Variants in KIF20B observed in about 807,000 individuals in gnomAD.
KIF20B encodes kinesin-like protein KIF20B.
In KIF20B, 188 loss-of-function variants were observed where a neutral mutation model predicts 232.5. The ratio of observed to expected loss-of-function variants is 0.81; its 90% CI spans 0.72 to 0.91. KIF20B has a LOEUF of 0.91. Ranked by LOEUF, KIF20B falls within the 40% of genes least tolerant of loss-of-function variation. The pLI is 0.00. For missense variants in KIF20B, 2,154 were observed against 2,055.9 expected (o/e 1.05, Z -0.92); for synonymous variants, 712 against 683.0 (o/e 1.04, Z -0.66).
At chr10:89,719,011 A>G (rs1842993224) in intron 12 of KIF20B, 139 bp downstream of exon 12, 1 of 568,574 alleles carries the variant, frequency 1.8e-6, no homozygotes, top group South Asian at 3.7e-5. Context: ...GTAGGAAGAC[A>G]TGAGAAAGGA....
chr10:89,739,164 G>A (rs1841739290), intron 21 of KIF20B, 68 bp downstream of exon 21: 1 of 1,483,386 alleles, frequency 6.7e-7, no homozygotes, highest in South Asian at 1.2e-5. Flanking sequence ...ATCAAACTTA[G>A]ACATTAATCT....
chr10:89,764,291 T>C (rs2133171032), intron 29 of KIF20B, among the ~76,000 whole-genome samples: 1 of 152,272 alleles, frequency 6.6e-6, no homozygotes, highest in East Asian at 1.9e-4. Flanking sequence ...TAATCCAGTC[T>C]ATCATTGTTG....
rs1841669375 is a variant in KIF20B, at chr10:89,737,047, T to G, written c.2546-340T>G. On this transcript the variant is annotated intron_variant, in intron 19 of 32. Coordinates refer to ENST00000371728, the MANE Select transcript of KIF20B (RefSeq NM_001284259.2). The stretch of plus-strand genomic sequence containing the variant: ...GTCATCTCCTCCTCTCTGTCCCATA[T>G]TGAAATGACAATAAAGATTTGTGGT... 1.3e-5 allele frequency among the ~76,000 whole-genome samples: 2 copies of G among 152,074 alleles called. 1 individual carries two copies. Among genetic ancestry groups the G allele is most frequent in the South Asian group, 4.1e-4 (2 of 4,834 alleles).
intron 27 of KIF20B, among the ~76,000 whole-genome samples, 171 bp downstream of exon 27, chr10:89,759,053 A>G (rs2133162958): frequency 6.6e-6 from 1 of 152,130 alleles, no homozygotes; most frequent in East Asian, 1.9e-4. Flanking sequence ...ATTAAGATTG[A>G]TTTGTCAATC....
At chr10:89,704,286 C>G (rs1842676897) in intron 1 of KIF20B, among the ~76,000 whole-genome samples, 1 of 152,126 alleles carries the variant, frequency 6.6e-6, no homozygotes, top group Non-Finnish European at 1.5e-5. Flanking sequence ...AAAAACAGCA[C>G]AGAGTCCTCC....
chr10:89,717,474 C>A lies in KIF20B; in HGVS notation c.1103C>A (p.Ser368Tyr). The change falls in exon 10 of 33, where the codon TCT (serine) becomes TAT (tyrosine). Residue 368 changes from serine (S) to tyrosine (Y), a missense_variant. Ser to Tyr is a moderately radical substitution (Grantham distance 144). Coordinates refer to ENST00000371728, the MANE Select transcript of KIF20B (RefSeq NM_001284259.2). ...KILQIEDSEMSRVIRVSELSL... is the reference protein window; with the variant it reads ...KILQIEDSEMYRVIRVSELSL... ...TTACAGATTGAAGATTCTGAAATGT[C>A]TCGTGTAATTCGAGTCAGTGAGTAA... 6.3e-7 allele frequency: 1 copy of A among 1,597,798 alleles called. No homozygotes were observed. Among genetic ancestry groups the A allele is most frequent in the South Asian group, 1.1e-5 (1 of 89,918 alleles).
chr10:89,744,777 T>A lies in KIF20B; in HGVS notation c.4035+850T>A, dbSNP rs538062054. 1.5e-3 allele frequency among the ~76,000 whole-genome samples: 215 copies of A among 146,980 alleles called. 1 individual carries two copies. Among genetic ancestry groups the A allele is most frequent in the African/African-American group, 5.3e-3 (203 of 38,262 alleles). ...AAGCAAACTAATGAATAGTCAGGTATAAATACATGATTTTAATTCTTAAGG... is the reference window on the plus strand; with the variant it reads ...AAGCAAACTAATGAATAGTCAGGTAAAAATACATGATTTTAATTCTTAAGG... On this transcript the variant is annotated intron_variant, in intron 22 of 32. Coordinates refer to ENST00000371728, the MANE Select transcript of KIF20B (RefSeq NM_001284259.2).
intron 22 of KIF20B, among the ~76,000 whole-genome samples, chr10:89,745,282 T>C (rs1256312212): frequency 6.6e-6 from 1 of 152,232 alleles, no homozygotes; most frequent in Non-Finnish European, 1.5e-5. Context: ...CCCAGCACTT[T>C]GGGAAGCCGA....
chr10:89,771,649 G>C (rs991878277), intron 31 of KIF20B, among the ~76,000 whole-genome samples: 1 of 151,952 alleles, frequency 6.6e-6, no homozygotes, highest in African/African-American at 2.4e-5. Context: ...TCTTATGGAG[G>C]GGAACAGGAG....
intron 1 of KIF20B, among the ~76,000 whole-genome samples, chr10:89,702,243 CA>C (rs1205295200): frequency 6.6e-6 from 1 of 152,130 alleles, no homozygotes; most frequent in Non-Finnish European, 1.5e-5. Context: ...CACTTATTTC[CA>C]GACTACTCCT....
rs189078962 is a variant in KIF20B, at chr10:89,731,819, G to A, written c.2392-1084G>A. 1.7e-4 allele frequency among the ~76,000 whole-genome samples: 26 copies of A among 152,266 alleles called. 1 individual carries two copies. The East Asian group carries it at 4.1e-3, about 24-fold the overall frequency. ...AAGGGACTAATTGTGAGAAAGCGTG[G>A]AGATTGTTCTTTATGACATCCTTTG... On this transcript the variant is annotated intron_variant, in intron 18 of 32. Transcript: ENST00000371728.
chr10:89,752,474 A>G (rs909070912), intron 24 of KIF20B, 93 bp from the exon 25 acceptor site: 4 of 885,914 alleles, frequency 4.5e-6, no homozygotes, highest in Non-Finnish European at 6.5e-6. Context: ...TCTGGGCTCT[A>G]CTGATTTGTG....
At chr10:89,721,366 A>G (rs1440198035) in intron 13 of KIF20B, among the ~76,000 whole-genome samples, 2 of 152,148 alleles carry the variant, frequency 1.3e-5, no homozygotes, top group Non-Finnish European at 2.9e-5. Context: ...CTCAGTGACG[A>G]AAGGAGCCTT....
At chr10:89,731,815 C>T (rs1391869918) in intron 18 of KIF20B, among the ~76,000 whole-genome samples, 4 of 152,088 alleles carry the variant, frequency 2.6e-5, no homozygotes, top group South Asian at 2.1e-4. Flanking sequence ...TGTGAGAAAG[C>T]GTGGAGATTG....
At chr10:89,756,030 G>A (rs1328850381) in intron 26 of KIF20B, among the ~76,000 whole-genome samples, 1 of 152,136 alleles carries the variant, frequency 6.6e-6, no homozygotes, top group East Asian at 1.9e-4. Flanking sequence ...GCTGTTGTGA[G>A]CTAAACTTTC....
At position 89,705,430 on chromosome 10, in the gene KIF20B, C is replaced by T. The variant is rs780902590; in HGVS notation, c.136C>T (p.Pro46Ser). 1.2e-6 allele frequency: 2 copies of T among 1,613,812 alleles called. No individual in the cohort carries two copies. Among genetic ancestry groups the T allele is most frequent in the South Asian group, 1.1e-5 (1 of 91,030 alleles). Reference sequence around the variant, plus strand: ...GTCTCATGAATTTTCCTTAGTTGCTCCAAATACTGAGGTAAGTACAAGAAA... The same window carrying T: ...GTCTCATGAATTTTCCTTAGTTGCTTCAAATACTGAGGTAAGTACAAGAAA... ...DLSHEFSLVA[P>S]NTEANSFESK... is the part of the protein sequence containing the mutation. Residue 46 changes from proline (P) to serine (S), a missense_variant, in exon 2 of 33, where the codon CCA becomes TCA. Coordinates refer to ENST00000371728, the MANE Select transcript of KIF20B (RefSeq NM_001284259.2).
intron 8 of KIF20B, among the ~76,000 whole-genome samples, chr10:89,716,108 A>G (rs1334870334): frequency 1.3e-5 from 2 of 152,150 alleles, no homozygotes; most frequent in African/African-American, 2.4e-5. Context: ...TAGCTAGGTA[A>G]TTTTACAGGT....
At chr10:89,730,268 CTATT>C (rs1445835242) in intron 18 of KIF20B, among the ~76,000 whole-genome samples, 1 of 152,016 alleles carries the variant, frequency 6.6e-6, no homozygotes, top group Non-Finnish European at 1.5e-5. Flanking sequence ...TAATAATAAA[CTATT>C]TAGTAATAAT....
chr10:89,741,890 G>C (rs7904847), intron 21 of KIF20B, among the ~76,000 whole-genome samples: 47,433 of 151,990 alleles, frequency 0.31, 8,378 homozygotes, highest in African/African-American at 0.47. Context: ...ATCAGATCAC[G>C]TGTCATGGTA....
Sources: gnomAD v4.1 joint callset for allele counts (sites outside exome capture counted in the v4.1 genomes callset) on GRCh38, gnomAD v4.1.1 for gene constraint, MANE v1.5 for transcripts, NCBI Gene and HGNC (gene_info 2026-07-23, HGNC 2026-07-21) for gene names.